EPHA6: variants seen among roughly 807,000 people sequenced by gnomAD.
The protein encoded by EPHA6 is ephrin type-A receptor 6.
EPHA6 carries 50 observed loss-of-function variants against 112.0 expected under a neutral mutation model. The ratio of observed to expected loss-of-function variants is 0.45; its 90% CI spans 0.36 to 0.56. EPHA6 has a LOEUF of 0.56. Ranked by LOEUF, EPHA6 falls within the 20% of genes least tolerant of loss-of-function variation. The pLI is 0.00. For missense variants in EPHA6, 1,280 were observed against 1,417.4 expected, an observed-to-expected ratio of 0.90 and a Z score of 1.56; for synonymous variants, 529 against 490.7, an observed-to-expected ratio of 1.08 and a Z score of -1.03.
Position 97,448,647 on chromosome 3 carries a change from A to G in EPHA6, c.1811A>G (p.Lys604Arg). 1.2e-6 allele frequency: 2 copies of G among 1,613,584 alleles called. No homozygotes were observed. The highest frequency in any genetic ancestry group is 1.7e-6 in the Non-Finnish European group (2 of 1,179,604). The change falls in exon 7 of 18, where the codon AAA becomes AGA. Residue 604 changes from lysine to arginine, a missense_variant. Transcript: ENST00000389672. ...VIITGLKPAT[K>R]YVFHIRVRTA... ...ATCACAGGTCTTAAGCCAGCCACCA[A>G]ATATGTATTTCACATCCGAGTGAGA...
At chr3:97,632,534 A>G (rs1042834883) in intron 13 of EPHA6, among the ~76,000 whole-genome samples, 6 of 152,008 alleles carry the variant, frequency 3.9e-5, no homozygotes, top group African/African-American at 1.2e-4. Flanking sequence ...GAATTACAGT[A>G]ACTGGCCCAT....
At chr3:96,962,130 A>C (rs969555736) in intron 2 of EPHA6, among the ~76,000 whole-genome samples, 1 of 147,596 alleles carries the variant, frequency 6.8e-6, no homozygotes, top group African/African-American at 2.7e-5. Context: ...CAGACAGAGA[A>C]ACCTTCTGCA....
chr3:96,873,509 A>G (rs531563924), intron 2 of EPHA6, among the ~76,000 whole-genome samples: 1 of 152,176 alleles, frequency 6.6e-6, no homozygotes, highest in Non-Finnish European at 1.5e-5. Flanking sequence ...TTTACAAATT[A>G]TGATTCTACT....
intron 2 of EPHA6, among the ~76,000 whole-genome samples, chr3:96,981,442 T>G (rs1391461651): frequency 6.6e-6 from 1 of 152,170 alleles, no homozygotes; most frequent in African/African-American, 2.4e-5. Flanking sequence ...TGCTGCTAGA[T>G]TTGTTTTGCC....
At chr3:97,436,739 G>T (rs920149864) in intron 6 of EPHA6, among the ~76,000 whole-genome samples, 1 of 151,980 alleles carries the variant, frequency 6.6e-6, no homozygotes, top group Non-Finnish European at 1.5e-5. Context: ...CTTTAATTCT[G>T]TTGGAAACTC....
At chr3:97,173,255 A>G (rs779648425) in intron 3 of EPHA6, among the ~76,000 whole-genome samples, 3 of 151,944 alleles carry the variant, frequency 2.0e-5, no homozygotes, top group African/African-American at 4.8e-5. Context: ...TTTTAGAAAT[A>G]TGATTTACAT....
intron 5 of EPHA6, among the ~76,000 whole-genome samples, chr3:97,305,141 C>A (rs2081263864): frequency 6.6e-6 from 1 of 152,038 alleles, no homozygotes; most frequent in African/African-American, 2.4e-5. Context: ...AGCTCAACAT[C>A]ACTGATCATT....
chr3:97,086,400 A>C (rs1223178269), intron 3 of EPHA6, among the ~76,000 whole-genome samples: 1 of 152,070 alleles, frequency 6.6e-6, no homozygotes, highest in South Asian at 2.1e-4. Flanking sequence ...CCTTTACCGG[A>C]CTTACATTTA....
At chr3:97,380,790 A>G (rs1170396919) in intron 5 of EPHA6, among the ~76,000 whole-genome samples, 4 of 152,164 alleles carry the variant, frequency 2.6e-5, no homozygotes, top group African/African-American at 9.7e-5. Context: ...TGTAATAGTG[A>G]AAAACTTTTA....
rs542388182 is a variant in EPHA6 at position 97,626,019 on chromosome 3, T to C, written c.2575-11854T>C. 4.0e-5 allele frequency among the ~76,000 whole-genome samples: 6 copies of C among 151,802 alleles called. No individual in the cohort carries two copies. In the East Asian group the frequency reaches 7.8e-4, roughly 20 times the overall value. On this transcript the variant is annotated intron_variant, in intron 13 of 17. Coordinates refer to ENST00000389672, the MANE Select transcript of EPHA6 (RefSeq NM_001080448.3). ...TAGTAGAAGAGTTTTTATGGGAATTTTGAGGACAAACTTTCCTTTAAGGTG... is the reference window on the plus strand; with the variant it reads ...TAGTAGAAGAGTTTTTATGGGAATTCTGAGGACAAACTTTCCTTTAAGGTG...
intron 3 of EPHA6, among the ~76,000 whole-genome samples, chr3:97,087,967 A>G (rs2046952479): frequency 6.6e-6 from 1 of 152,068 alleles, no homozygotes; most frequent in African/African-American, 2.4e-5. Flanking sequence ...GCAGGTCACA[A>G]TGTCAAGAGA....
At position 97,481,153 on chromosome 3, in the gene EPHA6, G is replaced by A. The variant is rs144731983; in HGVS notation, c.2074+1789G>A. On this transcript the variant is annotated intron_variant, in intron 9 of 17. Transcript: ENST00000389672. Reference sequence around the variant, plus strand: ...TGGGAGGTGGAGGTTGTAGAGAGCCGAGATCACGCCACTGCACTCCAGCCG... The same window carrying A: ...TGGGAGGTGGAGGTTGTAGAGAGCCAAGATCACGCCACTGCACTCCAGCCG... 2,476 of 767,336 alleles carry A rather than the reference G, an allele frequency of 3.2e-3. 39 individuals carry two copies. The African/African-American group carries it at 0.033, about 10-fold the overall frequency. The allele number at this position is 767,336 out of a possible 1,614,324, so 47.5% of individuals were successfully genotyped here.
At chr3:97,638,124 T>C (rs1231206156) in intron 14 of EPHA6, 42 bp downstream of exon 14, 1 of 1,441,780 alleles carries the variant, frequency 6.9e-7, no homozygotes, top group African/African-American at 1.4e-5. Context: ...TGTTTACTTT[T>C]ATTGTTTTTA....
At chr3:97,092,097 TA>T (rs140070277) in intron 3 of EPHA6, among the ~76,000 whole-genome samples, 207 of 138,824 alleles carry the variant, frequency 1.5e-3, no homozygotes, top group African/African-American at 4.2e-3. Context: ...TTTTTTTTTT[TA>T]AAAAAAAAAA....
chr3:97,688,091 AGTATTATTGT>A (rs376761315), intron 14 of EPHA6, among the ~76,000 whole-genome samples: 1 of 152,148 alleles, frequency 6.6e-6, no homozygotes, highest in Admixed American at 6.5e-5. Flanking sequence ...AAAGGTAGAT[AGTATTATTGT>A]GTATTATTGT....
chr3:97,589,477 C>A (rs1157759437), intron 11 of EPHA6, among the ~76,000 whole-genome samples: 1 of 152,052 alleles, frequency 6.6e-6, no homozygotes, highest in Non-Finnish European at 1.5e-5. Flanking sequence ...AATAATAATT[C>A]TTTACTAACG....
chr3:97,440,470 T>A (rs942638578), intron 6 of EPHA6, among the ~76,000 whole-genome samples: 7 of 151,722 alleles, frequency 4.6e-5, no homozygotes, highest in African/African-American at 1.7e-4. Context: ...CATATTGATC[T>A]TATATCAGGA....
At chr3:97,547,163 T>G (rs1390119753) in intron 11 of EPHA6, among the ~76,000 whole-genome samples, 3 of 152,326 alleles carry the variant, frequency 2.0e-5, no homozygotes, top group East Asian at 3.9e-4. Flanking sequence ...GTTTCCAGTT[T>G]TTCTGCTCTG....
intron 3 of EPHA6, among the ~76,000 whole-genome samples, chr3:97,077,342 GA>G (rs2046560317): frequency 6.6e-6 from 1 of 151,962 alleles, no homozygotes; most frequent in African/African-American, 2.4e-5. Context: ...GAAATAGCAA[GA>G]GAACTACAAT....
Sources: gnomAD v4.1 joint callset for allele counts (sites outside exome capture counted in the v4.1 genomes callset) on GRCh38, gnomAD v4.1.1 for gene constraint, MANE v1.5 for transcripts, NCBI Gene and HGNC (gene_info 2026-07-23, HGNC 2026-07-21) for gene names.